The following CPLX2 variants were observed in gnomAD, a reference collection of about 807,000 sequenced individuals.
The protein encoded by CPLX2 is complexin-2.
A neutral mutation model predicts 16.3 loss-of-function variants in CPLX2; 5 were observed. The observed-to-expected ratio is 0.31, with a 90% CI of 0.16 to 0.64. The LOEUF (loss-of-function observed/expected upper bound fraction) is 0.64, where lower values mean the gene tolerates loss of function less well. CPLX2 is among the 30% of genes least tolerant of loss of function. CPLX2 has a pLI of 0.79. For missense variants in CPLX2, 144 were observed against 181.4 expected (o/e 0.79, Z 1.18); for synonymous variants, 89 against 73.2 (o/e 1.22, Z -1.10).
intron 2 of CPLX2, among the ~76,000 whole-genome samples, chr5:175,855,744 A>G (rs1759242354): frequency 6.6e-6 from 1 of 152,168 alleles, no homozygotes; most frequent in Non-Finnish European, 1.5e-5. Context: ...TCACTGGACC[A>G]TCTTGGATCA....
At chr5:175,856,068 T>C (rs939522052) in intron 2 of CPLX2, among the ~76,000 whole-genome samples, 36 of 152,138 alleles carry the variant, frequency 2.4e-4, no homozygotes, top group Non-Finnish European at 4.3e-4. Flanking sequence ...GAAGGACAGA[T>C]AGGTTAAGAG....
chr5:175,801,477 G>C (rs1043670872), intron 1 of CPLX2, among the ~76,000 whole-genome samples: 3 of 152,218 alleles, frequency 2.0e-5, no homozygotes, highest in Non-Finnish European at 4.4e-5. Context: ...TGCTGCATAG[G>C]TGGACCAAGG....
chr5:175,815,921 C>T (rs1758398890), intron 2 of CPLX2, among the ~76,000 whole-genome samples: 1 of 152,250 alleles, frequency 6.6e-6, no homozygotes, highest in South Asian at 2.1e-4. Flanking sequence ...GCCTGACACA[C>T]ATGAAGGGCT....
intron 2 of CPLX2, among the ~76,000 whole-genome samples, chr5:175,811,878 T>G (rs1758318372): frequency 6.6e-6 from 1 of 152,216 alleles, no homozygotes; most frequent in African/African-American, 2.4e-5. Context: ...TGCCAGGACC[T>G]TTTCATATTT....
intron 2 of CPLX2, among the ~76,000 whole-genome samples, chr5:175,823,278 G>GGGATGGAT (rs367673128): frequency 6.6e-6 from 1 of 152,116 alleles, no homozygotes; most frequent in African/African-American, 2.4e-5. Flanking sequence ...GATGGATGGA[G>GGGATGGAT]GGATGGATGG....
intron 2 of CPLX2, among the ~76,000 whole-genome samples, chr5:175,843,822 G>A (rs781671255): frequency 2.0e-5 from 3 of 152,350 alleles, no homozygotes; most frequent in African/African-American, 4.8e-5. Context: ...AGAGAAGGTC[G>A]TTGTTACCTG....
chr5:175,881,213 G>A lies in CPLX2; in HGVS notation c.*1168G>A, dbSNP rs181868826. Reference sequence around the variant, plus strand: ...TGTATCCATGCATGCATGATAATGCGTGGCAGAGACTGCAACAGGGATTGT... The same window carrying A: ...TGTATCCATGCATGCATGATAATGCATGGCAGAGACTGCAACAGGGATTGT... On this transcript the variant is annotated 3_prime_UTR_variant, in exon 4 of 4. Coordinates refer to ENST00000393745, the MANE Select transcript of CPLX2 (RefSeq NM_001008220.2). 4 of 153,450 alleles carry A rather than the reference G, an allele frequency of 2.6e-5. No individual in the cohort carries two copies. Among genetic ancestry groups the A allele is most frequent in the Admixed American group, 1.3e-4 (2 of 15,314 alleles). 9.5% of individuals were successfully genotyped at this position (153,450 alleles called of 1,614,324 possible).
intron 1 of CPLX2, among the ~76,000 whole-genome samples, chr5:175,807,160 T>G (rs1408667236): frequency 6.6e-6 from 1 of 152,222 alleles, no homozygotes; most frequent in African/African-American, 2.4e-5. Context: ...AAAGGCTCTG[T>G]AAGGAATGAC....
In CPLX2 at chr5:175,879,840, C is replaced by T; in HGVS notation, c.208-8C>T. 1 of 1,608,364 alleles carries T rather than the reference C, an allele frequency of 6.2e-7. No individual in the cohort carries two copies. Among genetic ancestry groups the T allele is most frequent in the East Asian group, 2.2e-5 (1 of 44,724 alleles). ...CTTCATGCGCGTCTCTGCCCTCCCC[C>T]TCCCCAGTATGGGCTGAAGAAGAAG... On this transcript the variant is annotated splice_polypyrimidine_tract_variant and splice_region_variant and intron_variant, in intron 3 of 3. Transcript: ENST00000393745.
Position 175,810,380 on chromosome 5 carries a change from T to C in CPLX2, c.-89+1312T>C, listed in dbSNP as rs183475067. Among the ~76,000 whole-genome samples the C allele has an allele frequency of 5.3e-5, 8 of 152,348 alleles. No individual in the cohort carries two copies. The East Asian group carries it at 1.2e-3, about 22-fold the overall frequency. On this transcript the variant is annotated intron_variant, in intron 2 of 4. Transcript: ENST00000359546. The stretch of plus-strand genomic sequence containing the variant: ...GGTTTCCACATTCCCAGCAACCTTC[T>C]TCAGGTTTTGTCTCCAATGTCTTGG...
intron 2 of CPLX2, among the ~76,000 whole-genome samples, chr5:175,827,470 G>A (rs1758639052): frequency 6.6e-6 from 1 of 152,180 alleles, no homozygotes; most frequent in African/African-American, 2.4e-5. Context: ...TCCAAGAGAT[G>A]ATGGCCGGGT....
intron 2 of CPLX2, among the ~76,000 whole-genome samples, chr5:175,814,881 C>G (rs1394409235): frequency 6.6e-6 from 1 of 152,158 alleles, no homozygotes; most frequent in East Asian, 1.9e-4. Flanking sequence ...AGGAGGGAGA[C>G]AGCTGGCTTG....
At chr5:175,870,586 G>A (rs1759569015), upstream of CPLX2, among the ~76,000 whole-genome samples, 1 of 151,048 alleles carries the variant, frequency 6.6e-6, no homozygotes, top group South Asian at 2.1e-4. Context: ...ATGGCAGGCA[G>A]AATAAAAAGG....
chr5:175,856,253 C>T (rs1759255522), intron 2 of CPLX2, among the ~76,000 whole-genome samples: 1 of 152,178 alleles, frequency 6.6e-6, no homozygotes, highest in African/African-American at 2.4e-5. Context: ...TAGTATAAAG[C>T]TCATGTAAAC....
intron 2 of CPLX2, among the ~76,000 whole-genome samples, chr5:175,840,683 G>A (rs1335123600): frequency 6.6e-6 from 1 of 152,232 alleles, no homozygotes; most frequent in East Asian, 1.9e-4. Flanking sequence ...GCAAAGGCAT[G>A]AAGTTCTTTG....
At chr5:175,837,044 CA>C (rs1232914238) in intron 2 of CPLX2, among the ~76,000 whole-genome samples, 1 of 152,210 alleles carries the variant, frequency 6.6e-6, no homozygotes, top group African/African-American at 2.4e-5. Flanking sequence ...CCAAAGGAGT[CA>C]GGGGGAAAGG....
At chr5:175,868,706 T>C (rs964178328), upstream of CPLX2, among the ~76,000 whole-genome samples, 6 of 151,818 alleles carry the variant, frequency 4.0e-5, no homozygotes, top group Admixed American at 3.9e-4. Flanking sequence ...GTTTTTTTTT[T>C]TTTCTTTTAG....
At chr5:175,807,242 T>C (rs1758224128) in intron 1 of CPLX2, among the ~76,000 whole-genome samples, 1 of 152,228 alleles carries the variant, frequency 6.6e-6, no homozygotes, top group Non-Finnish European at 1.5e-5. Flanking sequence ...ACCCAAGTCA[T>C]CCCAACATGT....
chr5:175,863,043 AG>A (rs1759402088), intron 2 of CPLX2, among the ~76,000 whole-genome samples: 1 of 152,252 alleles, frequency 6.6e-6, no homozygotes, highest in Admixed American at 6.5e-5. Flanking sequence ...GAAGAAGGTA[AG>A]AGCAGAGGCA....
Sources: allele counts gnomAD v4.1 joint callset (sites outside exome capture counted in the v4.1 genomes callset), GRCh38; gene constraint gnomAD v4.1.1; transcripts MANE v1.5; gene names NCBI Gene and HGNC (gene_info 2026-07-23, HGNC 2026-07-21).